RBFOX3: variants seen among roughly 807,000 people sequenced by gnomAD.
RBFOX3 encodes the protein RNA binding fox-1 homolog 3.
A neutral mutation model predicts 48.7 loss-of-function variants in RBFOX3; 17 were observed. That is an observed-to-expected ratio of 0.35 (90% confidence interval 0.24 to 0.52). The LOEUF is 0.52. Ranked by LOEUF, RBFOX3 falls within the 20% of genes least tolerant of loss-of-function variation. The pLI, the probability that RBFOX3 is intolerant of heterozygous loss-of-function variation, is 0.94. For synonymous variants in RBFOX3, 212 were observed against 209.5 expected (o/e 1.01, Z -0.10); for missense variants, 382 against 497.5 (o/e 0.77, Z 2.21).
intron 2 of RBFOX3, among the ~76,000 whole-genome samples, chr17:79,416,477 G>A (rs1262934398): frequency 3.3e-5 from 5 of 152,242 alleles, no homozygotes; most frequent in East Asian, 1.9e-4. Context: ...CATCAAGGAC[G>A]CCCAATGGTT....
intron 1 of RBFOX3, among the ~76,000 whole-genome samples, chr17:79,543,963 G>A (rs1244112400): frequency 3.9e-5 from 6 of 152,184 alleles, no homozygotes; most frequent in South Asian, 2.1e-4. Context: ...GGAAGTCAGA[G>A]CAGCCATACC....
chr17:79,157,713 C>T (rs915528665), intron 4 of RBFOX3, among the ~76,000 whole-genome samples: 4 of 152,194 alleles, frequency 2.6e-5, no homozygotes, highest in Non-Finnish European at 4.4e-5. Context: ...CAGGCCCACG[C>T]TGTCCCCACC....
intron 1 of RBFOX3, among the ~76,000 whole-genome samples, chr17:79,515,494 C>T (rs1006238647): frequency 9.2e-5 from 14 of 152,318 alleles, no homozygotes; most frequent in Admixed American, 5.2e-4. Context: ...ACAAGAGAAC[C>T]GCAATCGGAG....
intron 3 of RBFOX3, among the ~76,000 whole-genome samples, chr17:79,277,298 T>TGGG (rs1012133764): frequency 2.8e-5 from 1 of 36,254 alleles, no homozygotes; most frequent in Admixed American, 2.5e-4. Context: ...ATTCCAATGG[T>TGGG]GGGGAGGGGG....
intron 2 of RBFOX3, among the ~76,000 whole-genome samples, chr17:79,428,771 G>GC (rs1450922195): frequency 3.3e-5 from 5 of 152,128 alleles, no homozygotes; most frequent in Admixed American, 2.6e-4. Context: ...GACACTCCCT[G>GC]CCCCCCGGCT....
At chr17:79,584,957 G>T (rs1357969504) in intron 1 of RBFOX3, among the ~76,000 whole-genome samples, 1 of 151,856 alleles carries the variant, frequency 6.6e-6, no homozygotes, top group African/African-American at 2.4e-5. Context: ...AGTAGAGACG[G>T]GATTTCACCG....
chr17:79,426,849 C>A (rs1414550798), intron 2 of RBFOX3, among the ~76,000 whole-genome samples: 1 of 152,134 alleles, frequency 6.6e-6, no homozygotes, highest in Non-Finnish European at 1.5e-5. Context: ...GGATTACAGG[C>A]ATGCACCACC....
chr17:79,126,468 C>CT (rs1356363781), intron 4 of RBFOX3, among the ~76,000 whole-genome samples: 5 of 143,950 alleles, frequency 3.5e-5, no homozygotes, highest in African/African-American at 1.2e-4. Flanking sequence ...GGGCTGACCT[C>CT]TGGCAGGTAG....
At chr17:79,190,740 A>G (rs1173693946) in intron 4 of RBFOX3, among the ~76,000 whole-genome samples, 2 of 152,080 alleles carry the variant, frequency 1.3e-5, no homozygotes, top group Non-Finnish European at 2.9e-5. Context: ...GACAAGGGGG[A>G]GCTTAGACCA....
chr17:79,285,544 T>C (rs896103507), intron 3 of RBFOX3, among the ~76,000 whole-genome samples: 3 of 152,214 alleles, frequency 2.0e-5, no homozygotes, highest in Non-Finnish European at 4.4e-5. Flanking sequence ...AAACCAATAT[T>C]GAAATGCACT....
At chr17:79,097,910 G>A in intron 9 of RBFOX3, 165 bp from the exon 10 acceptor site, 1 of 673,000 alleles carries the variant, frequency 1.5e-6, no homozygotes, top group Non-Finnish European at 2.7e-6. Flanking sequence ...CAAGTGCTGA[G>A]TTCAAAACAC....
chr17:79,645,012 T>C, the RBFOX3 span, among the ~76,000 whole-genome samples: 9 of 152,194 alleles, frequency 5.9e-5, no homozygotes, highest in Non-Finnish European at 1.3e-4. Flanking sequence ...CTCTCTTCCT[T>C]TCAGGCTTCG....
intron 2 of RBFOX3, among the ~76,000 whole-genome samples, chr17:79,380,024 C>T (rs2059698324): frequency 1.3e-5 from 2 of 152,274 alleles, no homozygotes; most frequent in East Asian, 1.9e-4. Flanking sequence ...TCTTCCCCTC[C>T]ATCCCTCTTT....
At chr17:79,474,505 G>C (rs2077446293) in intron 2 of RBFOX3, among the ~76,000 whole-genome samples, 1 of 152,158 alleles carries the variant, frequency 6.6e-6, no homozygotes, top group Non-Finnish European at 1.5e-5. Flanking sequence ...CTTATCGCTG[G>C]GGGACTCAGC....
intron 4 of RBFOX3, among the ~76,000 whole-genome samples, chr17:79,224,316 G>T (rs2060075391): frequency 6.6e-6 from 1 of 152,134 alleles, no homozygotes; most frequent in Admixed American, 6.5e-5. Context: ...ATCTCCCCCA[G>T]ACTCTCCTCA....
rs1393534999 is a variant in RBFOX3 at position 79,363,072 on chromosome 17, C to T, written c.-174-55248G>A. ...GGAAAGTAAAAATTCAGAGGCATGACGCTTGCACATGCGAGGTTTCTGGGC... is the reference window on the plus strand; with the variant it reads ...GGAAAGTAAAAATTCAGAGGCATGATGCTTGCACATGCGAGGTTTCTGGGC... On this transcript the variant is annotated intron_variant, in intron 2 of 14. Transcript: ENST00000693108. This position sits in a 1 kb window ranked among gnomAD's most constrained non-coding sequence, Gnocchi z 4.7. 6.6e-6 allele frequency among the ~76,000 whole-genome samples: 1 copy of T among 152,162 alleles called. No individual in the cohort carries two copies. Among genetic ancestry groups the T allele is most frequent in the East Asian group, 1.9e-4 (1 of 5,178 alleles).
the RBFOX3 span, among the ~76,000 whole-genome samples, chr17:79,620,011 GC>G: frequency 2.1e-5 from 3 of 142,326 alleles, no homozygotes; most frequent in East Asian, 6.4e-4. Context: ...ACATGCACAT[GC>G]ACACACACAC....
At chr17:79,131,170 T>TGCTGC (rs1432859000) in intron 4 of RBFOX3, among the ~76,000 whole-genome samples, 2 of 151,900 alleles carry the variant, frequency 1.3e-5, no homozygotes, top group East Asian at 3.9e-4. Flanking sequence ...GTGAGCCATG[T>TGCTGC]GCTGCGTGTG....
At chr17:79,279,609 C>A (rs1051023902) in intron 3 of RBFOX3, among the ~76,000 whole-genome samples, 2 of 152,232 alleles carry the variant, frequency 1.3e-5, no homozygotes, top group Non-Finnish European at 2.9e-5. Context: ...CCTGTCCTGT[C>A]CAGCTAGCAC....
Sources: allele counts gnomAD v4.1 joint callset (sites outside exome capture counted in the v4.1 genomes callset), GRCh38; gene constraint gnomAD v4.1.1; non-coding constraint Gnocchi (gnomAD v3.1); transcripts MANE v1.5; gene names NCBI Gene and HGNC (gene_info 2026-07-23, HGNC 2026-07-21).